The following FRMD4A variants were observed in gnomAD, a reference collection of about 807,000 sequenced individuals.
The protein encoded by FRMD4A is FERM domain-containing protein 4A.
A neutral mutation model predicts 129.1 loss-of-function variants in FRMD4A; 29 were observed. The ratio of observed to expected loss-of-function variants is 0.22; its 90% CI spans 0.17 to 0.31. The LOEUF is 0.31. Among genes scored for constraint, FRMD4A ranks in the 10% least tolerant of loss-of-function variants. The probability of loss-of-function intolerance (pLI) is 1.00; values close to 1 mark genes in which losing one functional copy is unlikely to be tolerated. For missense variants in FRMD4A, 1,272 were observed against 1,375.8 expected (o/e 0.92, Z 1.19); for synonymous variants, 634 against 571.6 (o/e 1.11, Z -1.56).
intron 2 of FRMD4A, among the ~76,000 whole-genome samples, chr10:14,066,313 G>A (rs943237027): frequency 4.0e-5 from 6 of 151,898 alleles, no homozygotes; most frequent in African/African-American, 1.5e-4. Context: ...CTTGGTGGGG[G>A]GTGTGGGGGG....
intron 2 of FRMD4A, among the ~76,000 whole-genome samples, chr10:13,941,082 G>A (rs966212306): frequency 6.6e-6 from 1 of 152,158 alleles, no homozygotes; most frequent in Non-Finnish European, 1.5e-5. Context: ...TTAGTTAAAT[G>A]CAAATCGTGT....
chr10:14,101,375 G>A (rs1000604234), intron 2 of FRMD4A, among the ~76,000 whole-genome samples: 1 of 152,112 alleles, frequency 6.6e-6, no homozygotes, highest in Non-Finnish European at 1.5e-5. Flanking sequence ...ATTACTTGCT[G>A]CGGGGTTAGT....
intron 2 of FRMD4A, among the ~76,000 whole-genome samples, chr10:13,984,958 T>C (rs956500014): frequency 1.3e-5 from 2 of 152,242 alleles, no homozygotes; most frequent in Admixed American, 1.3e-4. Flanking sequence ...ATACTGATCT[T>C]TCCCACCTAC....
At chr10:13,945,803 C>G (rs754930703) in intron 2 of FRMD4A, among the ~76,000 whole-genome samples, 3 of 152,154 alleles carry the variant, frequency 2.0e-5, no homozygotes, top group Non-Finnish European at 4.4e-5. Flanking sequence ...ATGCATTTGG[C>G]TGTTGTTGCT....
At chr10:14,176,057 T>G (rs1841713538) in intron 2 of FRMD4A, among the ~76,000 whole-genome samples, 1 of 152,220 alleles carries the variant, frequency 6.6e-6, no homozygotes, top group African/African-American at 2.4e-5. Flanking sequence ...TCTTATTTTG[T>G]ATTGTAGTGT....
At chr10:13,784,940 G>A (rs2092818340) in intron 5 of FRMD4A, among the ~76,000 whole-genome samples, 1 of 147,142 alleles carries the variant, frequency 6.8e-6, no homozygotes, top group Non-Finnish European at 1.5e-5. Flanking sequence ...GCAGCGAGCC[G>A]AGATGGTGCC....
intron 2 of FRMD4A, among the ~76,000 whole-genome samples, chr10:14,241,683 TAAAAA>T (rs71388168): frequency 4.8e-3 from 113 of 23,384 alleles, no homozygotes; most frequent in African/African-American, 8.1e-3. Flanking sequence ...TTACCCTCCC[TAAAAA>T]AAAAAAAAAA....
chr10:13,863,390 T>C lies in FRMD4A; in HGVS notation c.46-4478A>G, dbSNP rs565207102. Reference sequence around the variant, plus strand: ...TCAGCTCAGGAGTTAGGGACCAACCTGGGCAACATGGCAAAACCCTGTCTC... The same window carrying C: ...TCAGCTCAGGAGTTAGGGACCAACCCGGGCAACATGGCAAAACCCTGTCTC... On this transcript the variant is annotated intron_variant, in intron 2 of 24. Coordinates refer to ENST00000357447, the MANE Select transcript of FRMD4A (RefSeq NM_018027.5). 3.3e-5 allele frequency among the ~76,000 whole-genome samples: 5 copies of C among 150,860 alleles called. No individual in the cohort carries two copies. The South Asian group carries it at 8.4e-4, about 25-fold the overall frequency.
chr10:14,150,308 A>C (rs942454917), intron 2 of FRMD4A, among the ~76,000 whole-genome samples: 4 of 152,168 alleles, frequency 2.6e-5, no homozygotes, highest in African/African-American at 7.2e-5. Context: ...TCATATGTGG[A>C]CTCCATTGGT....
At chr10:13,987,905 A>G (rs2095587695) in intron 2 of FRMD4A, among the ~76,000 whole-genome samples, 1 of 152,240 alleles carries the variant, frequency 6.6e-6, no homozygotes, top group East Asian at 1.9e-4. Flanking sequence ...CTGTAAAGGA[A>G]GAGAAAAAAT....
At chr10:13,679,319 T>C (rs537142795) in intron 15 of FRMD4A, among the ~76,000 whole-genome samples, 2 of 142,226 alleles carry the variant, frequency 1.4e-5, no homozygotes, top group African/African-American at 5.3e-5. Context: ...TCCCAGCCAG[T>C]TGGGTGGCTG....
Position 13,657,331 on chromosome 10 carries a change from T to C in FRMD4A, c.2258A>G (p.His753Arg). 6.2e-7 allele frequency: 1 copy of C among 1,610,070 alleles called. No individual in the cohort carries two copies. Among genetic ancestry groups the C allele is most frequent in the East Asian group, 2.2e-5 (1 of 44,734 alleles). ...PMDDCSSCTS[H>R]SSSEHYYPAQ... is the part of the protein sequence containing the mutation. ...CGGGTAGTAGTGCTCCGAGCTCGAG[T>C]GGCTGGTGCACGACGAGCAGTCGTC... The change falls in exon 22 of 25, where the codon CAC becomes CGC. Residue 753 changes from histidine (H) to arginine (R), a missense_variant. By Grantham distance (29) the His-to-Arg change is conservative (BLOSUM62 0). Transcript: ENST00000357447.
chr10:13,844,919 C>T (rs2094021203), intron 3 of FRMD4A, among the ~76,000 whole-genome samples: 1 of 152,172 alleles, frequency 6.6e-6, no homozygotes, highest in Non-Finnish European at 1.5e-5. Context: ...GAACTTGTGG[C>T]AATTTCGTGT....
intron 2 of FRMD4A, among the ~76,000 whole-genome samples, chr10:14,048,985 T>C (rs558783155): frequency 1.3e-5 from 2 of 152,248 alleles, no homozygotes; most frequent in Admixed American, 6.5e-5. Context: ...AACCCACGTG[T>C]AGCACAAAAA....
intron 2 of FRMD4A, among the ~76,000 whole-genome samples, chr10:14,252,426 C>A (rs975375780): frequency 1.3e-5 from 2 of 152,180 alleles, no homozygotes; most frequent in Non-Finnish European, 2.9e-5. Context: ...GATTTCATGT[C>A]TCTTTAGTAA....
At chr10:13,698,836 A>T (rs1043549402) in intron 14 of FRMD4A, among the ~76,000 whole-genome samples, 7 of 152,168 alleles carry the variant, frequency 4.6e-5, no homozygotes, top group African/African-American at 1.7e-4. Flanking sequence ...CAGGCTGGGG[A>T]ACTGGTTCCT....
chr10:14,079,281 C>T (rs1044472503), intron 2 of FRMD4A, among the ~76,000 whole-genome samples: 5 of 152,090 alleles, frequency 3.3e-5, no homozygotes, highest in African/African-American at 7.2e-5. Context: ...AGCCTCTTTA[C>T]CATGTTAAGG....
rs115238877 is a variant in FRMD4A at position 14,147,618 on chromosome 10, C to T, written c.45+182440G>A. On this transcript the variant is annotated intron_variant, in intron 2 of 24. Transcript: ENST00000357447. ...TAAGGCATTAGATTCTCATAAGGAA[C>T]GTGCGACCTAGATCCCTGGCATGTG... 8.6e-3 allele frequency among the ~76,000 whole-genome samples: 1,310 copies of T among 152,156 alleles called. 16 individuals are homozygous for T. The highest frequency in any genetic ancestry group is 0.03 in the African/African-American group (1,230 of 41,502).
At chr10:13,892,967 A>C (rs2094717639) in intron 2 of FRMD4A, among the ~76,000 whole-genome samples, 1 of 152,164 alleles carries the variant, frequency 6.6e-6, no homozygotes, top group Admixed American at 6.5e-5. Context: ...ATAGAAAGGG[A>C]ATTGGGCATA....
Sources: gnomAD v4.1 joint callset for allele counts (sites outside exome capture counted in the v4.1 genomes callset) on GRCh38, gnomAD v4.1.1 for gene constraint, MANE v1.5 for transcripts, NCBI Gene and HGNC (gene_info 2026-07-23, HGNC 2026-07-21) for gene names.